Variants in PYHIN1 observed in about 807,000 individuals in gnomAD.
PYHIN1 encodes pyrin and HIN domain family member 1, also known as pyrin and HIN domain-containing protein 1.
A neutral mutation model predicts 43.7 loss-of-function variants in PYHIN1; 32 were observed. That is an observed-to-expected ratio of 0.73 (90% CI 0.55 to 0.98). The LOEUF (loss-of-function observed/expected upper bound fraction) is 0.98, where lower values mean the gene tolerates loss of function less well. Ranked by LOEUF, PYHIN1 falls within the 50% of genes least tolerant of loss-of-function variation. PYHIN1 has a pLI of 0.00. For synonymous variants in PYHIN1, 205 were observed against 203.1 expected (o/e 1.01, Z -0.08); for missense variants, 588 against 589.5 (o/e 1.00, Z 0.03).
At chr1:158,961,711 A>G (rs182905375) in intron 7 of PYHIN1, among the ~76,000 whole-genome samples, 2 of 152,212 alleles carry the variant, frequency 1.3e-5, no homozygotes, top group African/African-American at 4.8e-5. Context: ...AGATACCCCT[A>G]TGAGACCACC....
At chr1:158,949,757 C>T (rs1649430197) in intron 7 of PYHIN1, among the ~76,000 whole-genome samples, 1 of 152,056 alleles carries the variant, frequency 6.6e-6, no homozygotes, top group Non-Finnish European at 1.5e-5. Context: ...GTATATGTGC[C>T]ACATTTTCTT....
chr1:158,981,845 T>G (rs1442188888), downstream of PYHIN1, among the ~76,000 whole-genome samples: 1 of 152,200 alleles, frequency 6.6e-6, no homozygotes, highest in Admixed American at 6.6e-5. Context: ...TTCTGACTGG[T>G]GTGAGCTGGT....
chr1:158,953,271 C>CCT (rs2101685973), intron 7 of PYHIN1, among the ~76,000 whole-genome samples: 1 of 132,940 alleles, frequency 7.5e-6, no homozygotes, highest in Admixed American at 7.6e-5. Flanking sequence ...GGCCTGCCTG[C>CCT]CTCTGTAGAC....
At chr1:158,953,568 CAGAA>C (rs1020498130) in intron 7 of PYHIN1, among the ~76,000 whole-genome samples, 128 of 151,494 alleles carry the variant, frequency 8.4e-4, no homozygotes, top group Non-Finnish European at 8.3e-4. Flanking sequence ...AACTAACAAA[CAGAA>C]AGGACATCCA....
Position 158,942,180 on chromosome 1 carries a change from G to T in PYHIN1, c.783G>T (p.Arg261Ser), listed in dbSNP as rs1337181261. The change falls in exon 5 of 9, where the codon AGG (arginine) becomes AGT (serine). Residue 261 changes from arginine to serine, a missense_variant. Arg to Ser is a moderately radical substitution (Grantham distance 110). Coordinates refer to ENST00000368140, the MANE Select transcript of PYHIN1 (RefSeq NM_152501.5). The part of the protein sequence containing the change: ...HVKVLNINLK[R>S]KFIKKRIIII... ...AGGTTTTAAACATCAACTTGAAGAG[G>T]AAATTCATTAAAAAGAGAATCATCA... is the stretch of plus-strand genomic sequence containing the variant. 2 of 1,613,990 alleles carry T rather than the reference G, an allele frequency of 1.2e-6. No individual in the cohort carries two copies. Among genetic ancestry groups the T allele is most frequent in the Admixed American group, 3.3e-5 (2 of 60,010 alleles).
intron 2 of PYHIN1, among the ~76,000 whole-genome samples, chr1:158,937,608 A>C (rs1368621150): frequency 6.6e-6 from 1 of 152,206 alleles, no homozygotes; most frequent in East Asian, 1.9e-4. Flanking sequence ...TGCTCCCGGA[A>C]GTGTGAAGAC....
At chr1:158,974,373 A>G (rs1651125217) in intron 8 of PYHIN1, among the ~76,000 whole-genome samples, 1 of 152,100 alleles carries the variant, frequency 6.6e-6, no homozygotes, top group Admixed American at 6.6e-5. Context: ...TTAAAATTCT[A>G]ATAATAAAGT....
the PYHIN1 span, among the ~76,000 whole-genome samples, chr1:158,988,913 C>T: frequency 1.4e-4 from 21 of 152,164 alleles, no homozygotes; most frequent in African/African-American, 5.1e-4. Flanking sequence ...CTAAAGAGCT[C>T]AGGTATATGA....
chr1:158,955,976 T>C (rs1649896091), intron 7 of PYHIN1, among the ~76,000 whole-genome samples: 1 of 138,852 alleles, frequency 7.2e-6, no homozygotes. Flanking sequence ...TACAAACACC[T>C]CTATGCAAAT....
chr1:158,977,469 A>G (rs539671606), downstream of PYHIN1, among the ~76,000 whole-genome samples: 17 of 152,246 alleles, frequency 1.1e-4, no homozygotes, highest in South Asian at 1.7e-3. Context: ...CATTTCCTTC[A>G]GCACCAACAG....
intron 7 of PYHIN1, among the ~76,000 whole-genome samples, chr1:158,950,420 G>A (rs1355428674): frequency 2.0e-5 from 3 of 152,146 alleles, no homozygotes; most frequent in African/African-American, 4.8e-5. Context: ...TGCAGGGTTA[G>A]TTCCTTCATT....
At chr1:158,986,807 G>A in the PYHIN1 span, among the ~76,000 whole-genome samples, 3 of 152,104 alleles carry the variant, frequency 2.0e-5, no homozygotes, top group Non-Finnish European at 2.9e-5. Context: ...CTCTGTCTGC[G>A]CAATCTGGAG....
At position 158,933,668 on chromosome 1, in the gene PYHIN1, A is replaced by G. The variant is rs375579948; in HGVS notation, c.-21+1892A>G. Among the ~76,000 whole-genome samples, 7 of 152,188 alleles carry G rather than the reference A, an allele frequency of 4.6e-5. No homozygotes were observed. The Middle Eastern group carries it at 0.01, about 223-fold the overall frequency. Reference sequence around the variant, plus strand: ...GCTTCTGCTATCTTCACTTCAATTTATAACACTTCTATATTCTCCTACTTG... The same window carrying G: ...GCTTCTGCTATCTTCACTTCAATTTGTAACACTTCTATATTCTCCTACTTG... On this transcript the variant is annotated intron_variant, in intron 1 of 8. Transcript: ENST00000368140. This position sits in a 1 kb window ranked among gnomAD's most constrained non-coding sequence, Gnocchi z 6.3.
At chr1:158,964,788 T>C (rs1015566498) in intron 7 of PYHIN1, among the ~76,000 whole-genome samples, 3 of 152,006 alleles carry the variant, frequency 2.0e-5, no homozygotes, top group Non-Finnish European at 2.9e-5. Flanking sequence ...GAAACACAAT[T>C]AAGTACACAG....
At chr1:158,973,232 T>C (rs1448875181) in intron 7 of PYHIN1, among the ~76,000 whole-genome samples, 3 of 152,088 alleles carry the variant, frequency 2.0e-5, no homozygotes, top group Non-Finnish European at 4.4e-5. Flanking sequence ...TATATGTGAC[T>C]GGATTTTTCT....
chr1:158,942,729 AC>A (rs1177418076), intron 5 of PYHIN1, among the ~76,000 whole-genome samples: 1 of 152,172 alleles, frequency 6.6e-6, no homozygotes, highest in Non-Finnish European at 1.5e-5. Flanking sequence ...ATAATACTAA[AC>A]TTATTTCTTT....
chr1:158,945,495 T>G (rs1200344181), intron 7 of PYHIN1: 1 of 152,456 alleles, frequency 6.6e-6, no homozygotes, highest in Non-Finnish European at 1.5e-5. Flanking sequence ...TCCCATCTCA[T>G]CACTGGCAAG....
rs142851890 is a variant in PYHIN1, at chr1:158,942,264, A to C, written c.867A>C (p.Val289=). Residue 289 remains valine, a synonymous_variant, in exon 5 of 9, where the codon GTA becomes GTC. Coordinates refer to ENST00000368140, the MANE Select transcript of PYHIN1 (RefSeq NM_152501.5). ...TAGAGGTGAATGAAGCCTCTTCTGT[A>C]TCTGAAGCTGGTCCTGACCAAACGT... ...SLLEVNEASS[V]SEAGPDQTFE... 1 of 1,614,132 alleles carries C rather than the reference A, an allele frequency of 6.2e-7. No homozygotes were observed. The highest frequency in any genetic ancestry group is 1.1e-5 in the South Asian group (1 of 91,080).
chr1:158,933,289 T>C lies in PYHIN1; in HGVS notation c.-21+1513T>C, dbSNP rs751351442. Among the ~76,000 whole-genome samples, 1 of 151,230 alleles carries C rather than the reference T, an allele frequency of 6.6e-6. No individual in the cohort carries two copies. Among genetic ancestry groups the C allele is most frequent in the Non-Finnish European group, 1.5e-5 (1 of 67,718 alleles). On this transcript the variant is annotated intron_variant, in intron 1 of 8. Transcript: ENST00000368140. The surrounding 1 kb of genome is among the most constrained non-coding windows in gnomAD (Gnocchi z 6.3). ...ATGTGTGTATATGAAGATAAATATA[T>C]TATATAACATTATATTATCATGAAG...
Sources: gnomAD v4.1 joint callset for allele counts (sites outside exome capture counted in the v4.1 genomes callset) on GRCh38, gnomAD v4.1.1 for gene constraint, Gnocchi (gnomAD v3.1) non-coding constraint, MANE v1.5 for transcripts, NCBI Gene and HGNC (gene_info 2026-07-23, HGNC 2026-07-21) for gene names.